Variants in ARIH1 observed in about 807,000 individuals in gnomAD.
ARIH1 encodes the protein E3 ubiquitin-protein ligase ARIH1.
In ARIH1, 8 loss-of-function variants were observed where a neutral mutation model predicts 85.0. That is an observed-to-expected ratio of 0.09 (90% CI 0.06 to 0.17). The LOEUF (loss-of-function observed/expected upper bound fraction) is 0.17. ARIH1 is among the 10% of genes least tolerant of loss of function. ARIH1 has a pLI of 1.00. For synonymous variants in ARIH1, 238 were observed against 253.6 expected, an observed-to-expected ratio of 0.94 and a Z score of 0.59; for missense variants, 311 against 718.1, an observed-to-expected ratio of 0.43 and a Z score of 6.48.
intron 2 of ARIH1, among the ~76,000 whole-genome samples, chr15:72,532,426 C>A (rs2064061745): frequency 6.6e-6 from 1 of 151,710 alleles, no homozygotes; most frequent in Non-Finnish European, 1.5e-5. Context: ...GAAATGAAAT[C>A]CATAATTTAA....
At chr15:72,481,968 C>T (rs914766025) in intron 1 of ARIH1, among the ~76,000 whole-genome samples, 1 of 152,044 alleles carries the variant, frequency 6.6e-6, no homozygotes. Context: ...TCCCGAGTAG[C>T]TGGGATTACA....
At chr15:72,577,307 A>G (rs1302216725) in intron 11 of ARIH1, among the ~76,000 whole-genome samples, 4 of 152,162 alleles carry the variant, frequency 2.6e-5, no homozygotes, top group African/African-American at 7.2e-5. Flanking sequence ...GTTCTTAACA[A>G]TGAAGTATGC....
In ARIH1 at chr15:72,542,735, G is replaced by A. The variant is rs529773987; in HGVS notation, c.444-2085G>A. Among the ~76,000 whole-genome samples the A allele has an allele frequency of 3.9e-5, 6 of 152,220 alleles. No homozygotes were observed. In the South Asian group the frequency reaches 1.0e-3, roughly 26 times the overall value. On this transcript the variant is annotated intron_variant, in intron 2 of 13. Transcript: ENST00000379887. ...TGTGGCTGTATACTCATAGAATGCT[G>A]TCTAGAATGTTAACCAAAGTATGAG...
In ARIH1 at chr15:72,567,091, G is replaced by C; in HGVS notation, c.955-15G>C. On this transcript the variant is annotated splice_polypyrimidine_tract_variant and intron_variant, in intron 8 of 13. Transcript: ENST00000379887. ...AGTCTTTTGTTGTATCCTAACCGTTGTTATTTTCAAACAGTGGTTAAAGAA... is the reference window on the plus strand; with the variant it reads ...AGTCTTTTGTTGTATCCTAACCGTTCTTATTTTCAAACAGTGGTTAAAGAA... 3 of 1,598,052 alleles carry C rather than the reference G, an allele frequency of 1.9e-6. No individual in the cohort carries two copies. Among genetic ancestry groups the C allele is most frequent in the Non-Finnish European group, 2.6e-6 (3 of 1,169,786 alleles).
intron 1 of ARIH1, among the ~76,000 whole-genome samples, chr15:72,514,890 C>T (rs1020614034): frequency 4.0e-5 from 6 of 151,848 alleles, no homozygotes; most frequent in Non-Finnish European, 5.9e-5. Flanking sequence ...ATCCCAGCCA[C>T]TCAGGAGAAT....
At position 72,474,914 on chromosome 15, in the gene ARIH1, G is replaced by A; in HGVS notation, c.275G>A (p.Gly92Glu). 6.7e-7 allele frequency: 1 copy of A among 1,483,804 alleles called. No homozygotes were observed. The highest frequency in any genetic ancestry group is 9.0e-7 in the Non-Finnish European group (1 of 1,113,980). The allele number at this position is 1,483,804 out of a possible 1,614,324, so 91.9% of individuals were successfully genotyped here. A position where few individuals can be genotyped will look rare whatever the true frequency, so the allele number is the denominator to read the frequency against. The change falls in exon 1 of 14, where the codon GGG (glycine) becomes GAG (glutamate). Residue 92 changes from glycine (G) to glutamate (E), a missense_variant. This residue lies in a region of ARIH1 where 157 missense variants were observed against 185.1 expected (regional missense o/e 0.85). Coordinates refer to ENST00000379887, the MANE Select transcript of ARIH1 (RefSeq NM_005744.5). ...GGCGGCGGTGGTGGTGGCGGGCCGG[G>A]GCATGAGCAGGAGGAGGATTACCGC... ...GGGGGGGGGP[G>E]HEQEEDYRYE...
At chr15:72,565,641 T>G (rs778067070) in intron 7 of ARIH1, among the ~76,000 whole-genome samples, 1 of 152,228 alleles carries the variant, frequency 6.6e-6, no homozygotes, top group Non-Finnish European at 1.5e-5. Context: ...AATGTATTTT[T>G]AGCGTGACAC....
chr15:72,574,231 T>C (rs564856204), intron 11 of ARIH1, among the ~76,000 whole-genome samples: 27 of 152,244 alleles, frequency 1.8e-4, no homozygotes, highest in Non-Finnish European at 3.4e-4. Context: ...TTCTAGATAC[T>C]AAAATAGATT....
chr15:72,575,851 T>A (rs1463403489), intron 11 of ARIH1, among the ~76,000 whole-genome samples: 2 of 152,172 alleles, frequency 1.3e-5, no homozygotes, highest in Non-Finnish European at 2.9e-5. Flanking sequence ...ACTCTTGAAA[T>A]AACATGGCTG....
intron 1 of ARIH1, among the ~76,000 whole-genome samples, chr15:72,512,680 GT>G (rs544648634): frequency 2.4e-3 from 366 of 151,300 alleles, no homozygotes; most frequent in African/African-American, 8.5e-3. Context: ...TGTAAACACT[GT>G]TATGTCCCAC....
Position 72,597,068 on chromosome 15 carries a change from T to C in ARIH1, c.*13776T>C, listed in dbSNP as rs1055958597. ...TTACCATGAATCTTATTTTCTTGCTTTTGCACGTCTTGTATATTTGATTGG... is the reference window on the plus strand; with the variant it reads ...TTACCATGAATCTTATTTTCTTGCTCTTGCACGTCTTGTATATTTGATTGG... On this transcript the variant is annotated 3_prime_UTR_variant, in exon 14 of 14. Coordinates refer to ENST00000379887, the MANE Select transcript of ARIH1 (RefSeq NM_005744.5). The C allele has an allele frequency of 2.0e-5, 3 of 152,166 alleles. No homozygotes were observed. The highest frequency in any genetic ancestry group is 7.2e-5 in the African/African-American group (3 of 41,452). The allele number at this position is 152,166 out of a possible 1,614,324, so 9.4% of individuals were successfully genotyped here. A position where few individuals can be genotyped will look rare whatever the true frequency, so the allele number is the denominator to read the frequency against.
intron 3 of ARIH1, among the ~76,000 whole-genome samples, chr15:72,554,961 C>A (rs1049151998): frequency 2.6e-5 from 4 of 152,082 alleles, no homozygotes; most frequent in African/African-American, 7.2e-5. Context: ...CCATGTTGCC[C>A]CGCCTTCATG....
intron 1 of ARIH1, among the ~76,000 whole-genome samples, chr15:72,509,346 C>T (rs192218504): frequency 7.2e-5 from 11 of 152,172 alleles, no homozygotes; most frequent in Middle Eastern, 3.4e-3. Context: ...GGCTAGATTA[C>T]GTTTATAGTT....
intron 1 of ARIH1, among the ~76,000 whole-genome samples, chr15:72,503,141 T>G (rs966521200): frequency 1.3e-5 from 2 of 152,218 alleles, no homozygotes; most frequent in African/African-American, 4.8e-5. Flanking sequence ...GCATTTAGGG[T>G]TCTAGATATA....
chr15:72,516,131 A>G (rs1016307243), intron 1 of ARIH1, among the ~76,000 whole-genome samples: 1 of 152,222 alleles, frequency 6.6e-6, no homozygotes, highest in Non-Finnish European at 1.5e-5. Context: ...CACTAGCAAC[A>G]TCAAGTTATA....
chr15:72,527,830 A>G (rs2064037389), intron 2 of ARIH1, among the ~76,000 whole-genome samples: 1 of 152,090 alleles, frequency 6.6e-6, no homozygotes, highest in Non-Finnish European at 1.5e-5. Context: ...TTAGTATTTT[A>G]CCACTTCTAT....
At position 72,553,151 on chromosome 15, in the gene ARIH1, T is replaced by A. The variant is rs74847149; in HGVS notation, c.589-2120T>A. Among the ~76,000 whole-genome samples the A allele has an allele frequency of 4.1e-3, 627 of 151,784 alleles. 1 individual carries two copies. The highest frequency in any genetic ancestry group is 5.7e-3 in the Non-Finnish European group (389 of 68,026). On this transcript the variant is annotated intron_variant, in intron 3 of 13. Coordinates refer to ENST00000379887, the MANE Select transcript of ARIH1 (RefSeq NM_005744.5). Reference sequence around the variant, plus strand: ...TTGTTTTTAGTAATGTCTATTTAACTTACTCAATTAAAAATAATTTAGAGG... The same window carrying A: ...TTGTTTTTAGTAATGTCTATTTAACATACTCAATTAAAAATAATTTAGAGG...
At chr15:72,479,637 A>G (rs1348023161) in intron 1 of ARIH1, among the ~76,000 whole-genome samples, 1 of 151,882 alleles carries the variant, frequency 6.6e-6, no homozygotes, top group Admixed American at 6.6e-5. Flanking sequence ...CAACCTCTTG[A>G]CCTCGTGATC....
At chr15:72,539,728 A>C (rs1186793533) in intron 2 of ARIH1, among the ~76,000 whole-genome samples, 26 of 152,240 alleles carry the variant, frequency 1.7e-4, no homozygotes, top group Non-Finnish European at 1.5e-4. Context: ...GAACTGCTAA[A>C]GTTCAAGAAT....
Sources: allele counts gnomAD v4.1 joint callset (sites outside exome capture counted in the v4.1 genomes callset), GRCh38; gene constraint gnomAD v4.1.1; regional missense constraint gnomAD v4.1.1; transcripts MANE v1.5; gene names NCBI Gene and HGNC (gene_info 2026-07-23, HGNC 2026-07-21).